RBMS1: variants seen among roughly 807,000 people sequenced by gnomAD.
The protein encoded by RBMS1 is RNA binding motif single stranded interacting protein 1, also known as RNA-binding motif, single-stranded-interacting protein 1.
A neutral mutation model predicts 62.3 loss-of-function variants in RBMS1; 17 were observed. That is an observed-to-expected ratio of 0.27 (90% CI 0.19 to 0.41). The LOEUF is 0.41. RBMS1 is among the 10% of genes least tolerant of loss of function. The probability of loss-of-function intolerance (pLI) is 1.00; values close to 1 mark genes in which losing one functional copy is unlikely to be tolerated. For missense variants in RBMS1, 334 were observed against 504.5 expected, an observed-to-expected ratio of 0.66 and a Z score of 3.24; for synonymous variants, 172 against 170.0, an observed-to-expected ratio of 1.01 and a Z score of -0.09.
intron 1 of RBMS1, chr2:160,407,900 C>T (rs1297969360): frequency 1.5e-5 from 15 of 980,806 alleles, no homozygotes; most frequent in African/African-American, 1.8e-5. Flanking sequence ...TCAACCACCG[C>T]CCTGAGAGCG....
In RBMS1 at chr2:160,493,470, G is replaced by C; in HGVS notation, c.-107C>G. 1 of 1,016,982 alleles carries C rather than the reference G, an allele frequency of 9.8e-7. No homozygotes were observed. Among genetic ancestry groups the C allele is most frequent in the Non-Finnish European group, 1.5e-6 (1 of 667,830 alleles). The allele number at this position is 1,016,982 out of a possible 1,614,324, so 63.0% of individuals were successfully genotyped here. A position where few individuals can be genotyped will look rare whatever the true frequency, so the allele number is the denominator to read the frequency against. On this transcript the variant is annotated 5_prime_UTR_variant, in exon 1 of 14. Transcript: ENST00000348849. ...CGGCGGCGGCGGCAGCGGCGGCGGC[G>C]GCGGCGGCTGCTGCTGCTGCCGCTG...
At chr2:160,491,105 GGA>G (rs1559617342) in intron 1 of RBMS1, among the ~76,000 whole-genome samples, 2 of 4,870 alleles carry the variant, frequency 4.1e-4, no homozygotes, top group African/African-American at 1.9e-3. Flanking sequence ...GATACATAAG[GGA>G]GAGAAAAAAA....
At chr2:160,395,451 C>T (rs532048815) in intron 1 of RBMS1, among the ~76,000 whole-genome samples, 8 of 152,094 alleles carry the variant, frequency 5.3e-5, no homozygotes, top group South Asian at 2.1e-4. Context: ...GGTGAAACCC[C>T]GTCTCTACTA....
At chr2:160,457,419 C>T (rs1288251003) in intron 1 of RBMS1, among the ~76,000 whole-genome samples, 2 of 152,106 alleles carry the variant, frequency 1.3e-5, no homozygotes, top group Non-Finnish European at 2.9e-5. Flanking sequence ...CGTGAGCCAC[C>T]GCGCGGTATC....
intron 1 of RBMS1, among the ~76,000 whole-genome samples, chr2:160,418,481 A>G (rs1559528420): frequency 1.3e-5 from 2 of 152,360 alleles, no homozygotes; most frequent in East Asian, 3.9e-4. Context: ...TGAAATTACA[A>G]AGTGAATCAA....
intron 1 of RBMS1, among the ~76,000 whole-genome samples, chr2:160,449,255 C>T (rs1248899035): frequency 2.6e-5 from 4 of 151,474 alleles, no homozygotes; most frequent in Non-Finnish European, 5.9e-5. Flanking sequence ...AGGTGGGGGG[C>T]GCCTCTGCCC....
intron 6 of RBMS1, among the ~76,000 whole-genome samples, chr2:160,297,116 A>C (rs982365885): frequency 6.6e-6 from 1 of 152,216 alleles, no homozygotes; most frequent in Non-Finnish European, 1.5e-5. Context: ...GGCTCAAAGA[A>C]GACTTGCTGA....
At chr2:160,464,247 A>T (rs1220445751) in intron 1 of RBMS1, among the ~76,000 whole-genome samples, 7 of 152,244 alleles carry the variant, frequency 4.6e-5, no homozygotes, top group African/African-American at 1.2e-4. Context: ...GCAACAGCTT[A>T]CATCATCAAA....
chr2:160,298,604 G>T (rs1689059427), intron 6 of RBMS1, among the ~76,000 whole-genome samples: 1 of 152,040 alleles, frequency 6.6e-6, no homozygotes, highest in Non-Finnish European at 1.5e-5. Flanking sequence ...GTCAAGGGAG[G>T]ACGCACTTCA....
At chr2:160,330,388 T>C (rs1436563705) in intron 2 of RBMS1, among the ~76,000 whole-genome samples, 2 of 152,310 alleles carry the variant, frequency 1.3e-5, no homozygotes, top group Non-Finnish European at 1.5e-5. Context: ...AATCAGGTCA[T>C]TGGTGGCACA....
At chr2:160,346,165 CT>C (rs1692162934) in intron 2 of RBMS1, among the ~76,000 whole-genome samples, 2 of 151,874 alleles carry the variant, frequency 1.3e-5, no homozygotes, top group African/African-American at 4.9e-5. Context: ...CTCTTGACCT[CT>C]TTTGTTCTGG....
chr2:160,342,755 A>AAAAATAC, intron 2 of RBMS1, among the ~76,000 whole-genome samples: 1 of 126,386 alleles, frequency 7.9e-6, no homozygotes, highest in African/African-American at 2.9e-5. Flanking sequence ...CATCTCTACT[A>AAAAATAC]AAAATACAAA....
At chr2:160,314,598 A>G (rs1690108610) in intron 3 of RBMS1, among the ~76,000 whole-genome samples, 1 of 152,182 alleles carries the variant, frequency 6.6e-6, no homozygotes, top group Non-Finnish European at 1.5e-5. Context: ...TGGTAACGAA[A>G]TAAGTTATAA....
chr2:160,407,569 C>A, intron 1 of RBMS1: 1 of 984,206 alleles, frequency 1.0e-6, no homozygotes, highest in Non-Finnish European at 1.2e-6. Context: ...GGCGCGGGCG[C>A]GGGCGCGGGG....
chr2:160,278,140 A>G (rs572994330), intron 11 of RBMS1: 23 of 202,906 alleles, frequency 1.1e-4, no homozygotes, highest in African/African-American at 5.2e-4. Context: ...AAATATTTCA[A>G]TATTAAGACC....
At chr2:160,399,840 T>C (rs1695345658) in intron 1 of RBMS1, among the ~76,000 whole-genome samples, 1 of 151,394 alleles carries the variant, frequency 6.6e-6, no homozygotes, top group Non-Finnish European at 1.5e-5. Flanking sequence ...GACCGATAAC[T>C]AAGAAAAAAA....
chr2:160,468,107 A>C (rs1202576008), intron 1 of RBMS1, among the ~76,000 whole-genome samples: 2 of 152,232 alleles, frequency 1.3e-5, no homozygotes, highest in Non-Finnish European at 2.9e-5. Context: ...CATCAAATGT[A>C]AGACACACCC....
At position 160,305,942 on chromosome 2, in the gene RBMS1, C is replaced by G. The variant is rs146948507; in HGVS notation, c.403-2455G>C. On this transcript the variant is annotated intron_variant, in intron 4 of 13. Coordinates refer to ENST00000348849, the MANE Select transcript of RBMS1 (RefSeq NM_016836.4). Reference sequence around the variant, plus strand: ...TTGGGACCAAGAGTTTGAGACCAGCCTAGACAACACAGTGAGACCTCATCT... The same window carrying G: ...TTGGGACCAAGAGTTTGAGACCAGCGTAGACAACACAGTGAGACCTCATCT... Among the ~76,000 whole-genome samples the G allele has an allele frequency of 3.3e-3, 495 of 152,086 alleles. 5 individuals are homozygous for G. Among genetic ancestry groups the G allele is most frequent in the African/African-American group, 0.011 (477 of 41,490 alleles).
chr2:160,436,524 T>A (rs984325842), intron 1 of RBMS1, among the ~76,000 whole-genome samples: 4 of 152,226 alleles, frequency 2.6e-5, no homozygotes, highest in Non-Finnish European at 4.4e-5. Context: ...TGAGAAATAA[T>A]AAATCATTAC....
Sources: gnomAD v4.1 joint callset for allele counts (sites outside exome capture counted in the v4.1 genomes callset) on GRCh38, gnomAD v4.1.1 for gene constraint, MANE v1.5 for transcripts, NCBI Gene and HGNC (gene_info 2026-07-23, HGNC 2026-07-21) for gene names.